The following PARD3 variants were observed in gnomAD, a reference collection of about 807,000 sequenced individuals.
The protein encoded by PARD3 is partitioning defective 3 homolog.
PARD3 carries 75 observed loss-of-function variants against 155.4 expected under a neutral mutation model. The observed-to-expected ratio is 0.48, with a 90% CI of 0.40 to 0.58. The LOEUF (loss-of-function observed/expected upper bound fraction) is 0.58, where lower values mean the gene tolerates loss of function less well. Among genes scored for constraint, PARD3 ranks in the 20% least tolerant of loss-of-function variants. The pLI, the probability that PARD3 is intolerant of heterozygous loss-of-function variation, is 0.00. For synonymous variants in PARD3, 576 were observed against 610.5 expected, an observed-to-expected ratio of 0.94 and a Z score of 0.83; for missense variants, 1,642 against 1,721.7, an observed-to-expected ratio of 0.95 and a Z score of 0.82.
At chr10:34,166,406 A>C (rs1488802226) in intron 22 of PARD3, among the ~76,000 whole-genome samples, 1 of 152,136 alleles carries the variant, frequency 6.6e-6, no homozygotes, top group East Asian at 1.9e-4. Flanking sequence ...TGACGCCAGG[A>C]GTTCAAGACT....
Position 34,382,549 on chromosome 10 carries a change from G to C in PARD3, c.1390C>G (p.Leu464Val). 6.2e-7 allele frequency: 1 copy of C among 1,612,378 alleles called. No individual in the cohort carries two copies. Among genetic ancestry groups the C allele is most frequent in the Non-Finnish European group, 8.5e-7 (1 of 1,179,798 alleles). The change falls in exon 9 of 25, where the codon CTT becomes GTT. Residue 464 changes from leucine (L) to valine (V), a missense_variant. Transcript: ENST00000374788. ...ACAGGATAGGTCGTACCTTTCTTAA[G>C]CTGGATATTAAGCCTCTTGCCTATT... ...KKIGKRLNIQLKKGTEGLGFS... is the reference protein window; with the variant it reads ...KKIGKRLNIQVKKGTEGLGFS...
intron 22 of PARD3, among the ~76,000 whole-genome samples, chr10:34,194,387 C>G (rs1286304190): frequency 1.3e-5 from 2 of 152,124 alleles, no homozygotes; most frequent in Non-Finnish European, 2.9e-5. Context: ...CAGGAGCTGC[C>G]TGTGTGGCCC....
chr10:34,344,860 G>T (rs1415360067), intron 15 of PARD3: 1 of 985,168 alleles, frequency 1.0e-6, no homozygotes, highest in Admixed American at 6.2e-5. Context: ...TCCAAATTTT[G>T]GTTCAGAAGT....
chr10:34,196,714 CA>C (rs1007303190), intron 22 of PARD3, among the ~76,000 whole-genome samples: 1 of 151,918 alleles, frequency 6.6e-6, no homozygotes, highest in East Asian at 1.9e-4. Context: ...GCTGGGACTA[CA>C]GGTGCCCGCC....
intron 21 of PARD3, among the ~76,000 whole-genome samples, chr10:34,275,256 G>A (rs969485040): frequency 6.6e-6 from 1 of 152,144 alleles, no homozygotes; most frequent in South Asian, 2.1e-4. Context: ...TGTCCCCAAA[G>A]TTCTAAAACC....
intron 14 of PARD3, among the ~76,000 whole-genome samples, chr10:34,354,960 G>T (rs1227990280): frequency 1.3e-5 from 2 of 152,210 alleles, no homozygotes; most frequent in Non-Finnish European, 2.9e-5. Flanking sequence ...AACCCTCAGG[G>T]AGCTGCAGCA....
intron 2 of PARD3, among the ~76,000 whole-genome samples, chr10:34,674,680 T>G (rs1205069053): frequency 6.6e-6 from 1 of 151,864 alleles, no homozygotes; most frequent in Non-Finnish European, 1.5e-5. Flanking sequence ...AGAGACAGGG[T>G]TTCACCACGT....
intron 16 of PARD3, among the ~76,000 whole-genome samples, chr10:34,339,446 T>C (rs530512068): frequency 6.6e-6 from 1 of 152,324 alleles, no homozygotes; most frequent in South Asian, 2.1e-4. Flanking sequence ...ACAGTGTTAG[T>C]AGAAATAAAT....
chr10:34,231,266 C>CAAAAAAAAAAAAAAAAAAAA (rs57175956), intron 22 of PARD3, among the ~76,000 whole-genome samples: 1 of 81,840 alleles, frequency 1.2e-5, no homozygotes, highest in Non-Finnish European at 2.2e-5. Context: ...TAATCTTAGG[C>CAAAAAAAAAAAAAAAAAAAA]AAAAAAAAAA....
intron 2 of PARD3, among the ~76,000 whole-genome samples, chr10:34,609,240 T>C (rs1294583461): frequency 6.6e-6 from 1 of 152,200 alleles, no homozygotes; most frequent in Non-Finnish European, 1.5e-5. Flanking sequence ...TGTCAATTAA[T>C]TATGAGTCTA....
At chr10:34,441,867 G>A (rs548168453) in intron 5 of PARD3, among the ~76,000 whole-genome samples, 6 of 152,072 alleles carry the variant, frequency 3.9e-5, no homozygotes, top group South Asian at 2.1e-4. Context: ...TGCTACTGGC[G>A]TTAATATATC....
chr10:34,492,247 G>A (rs949591878), intron 3 of PARD3, among the ~76,000 whole-genome samples: 7 of 152,146 alleles, frequency 4.6e-5, no homozygotes, highest in African/African-American at 1.2e-4. Flanking sequence ...CCAGGATGAC[G>A]GGCTAGCACA....
At chr10:34,561,756 G>C (rs532883014) in intron 2 of PARD3, among the ~76,000 whole-genome samples, 2 of 151,724 alleles carry the variant, frequency 1.3e-5, no homozygotes, top group East Asian at 4.0e-4. Context: ...AATCTCAGGT[G>C]ATCCGCCCAC....
At chr10:34,267,239 C>G (rs1490570389) in intron 22 of PARD3, among the ~76,000 whole-genome samples, 1 of 152,070 alleles carries the variant, frequency 6.6e-6, no homozygotes, top group African/African-American at 2.4e-5. Flanking sequence ...GCTGTTTGAC[C>G]TTCTATAAGC....
intron 1 of PARD3, among the ~76,000 whole-genome samples, chr10:34,739,526 G>C (rs973693442): frequency 2.6e-5 from 4 of 152,114 alleles, no homozygotes; most frequent in Admixed American, 2.6e-4. Context: ...GAGGGCAGGG[G>C]ATCACAGGAA....
intron 1 of PARD3, among the ~76,000 whole-genome samples, chr10:34,708,613 CA>C (rs1396068318): frequency 6.6e-6 from 1 of 152,044 alleles, no homozygotes; most frequent in African/African-American, 2.4e-5. Flanking sequence ...AACAACGTAG[CA>C]AATGTAAACA....
At chr10:34,145,221 A>ATATATATATATATTTTTTTTTTTT (rs1491430560) in intron 22 of PARD3, among the ~76,000 whole-genome samples, 1 of 33,970 alleles carries the variant, frequency 2.9e-5, no homozygotes, top group African/African-American at 1.4e-4. Flanking sequence ...ATATATATAT[A>ATATATATATATATTTTTTTTTTTT]TTTTTTTTTT....
At chr10:34,391,409 TC>T (rs1476682466) in intron 7 of PARD3, among the ~76,000 whole-genome samples, 1 of 152,102 alleles carries the variant, frequency 6.6e-6, no homozygotes, top group African/African-American at 2.4e-5. Flanking sequence ...TTTTCTTTTT[TC>T]CCACAGAGCT....
chr10:34,144,599 T>C (rs1948364705), intron 22 of PARD3, among the ~76,000 whole-genome samples: 1 of 152,222 alleles, frequency 6.6e-6, no homozygotes, highest in South Asian at 2.1e-4. Context: ...TATTTAGACA[T>C]TTCTGGGTAA....
Sources: allele counts gnomAD v4.1 joint callset (sites outside exome capture counted in the v4.1 genomes callset), GRCh38; gene constraint gnomAD v4.1.1; transcripts MANE v1.5; gene names NCBI Gene and HGNC (gene_info 2026-07-23, HGNC 2026-07-21).